The following MAD1L1 variants were observed in gnomAD, a reference collection of about 807,000 sequenced individuals.
MAD1L1 encodes mitotic spindle assembly checkpoint protein MAD1.
A neutral mutation model predicts 96.9 loss-of-function variants in MAD1L1; 95 were observed. The ratio of observed to expected loss-of-function variants is 0.98; its 90% CI spans 0.83 to 1.16. The LOEUF (loss-of-function observed/expected upper bound fraction) is 1.16, where lower values mean the gene tolerates loss of function less well. MAD1L1 is among the 50% of genes most tolerant of loss of function. The pLI is 0.00. For synonymous variants in MAD1L1, 473 were observed against 396.6 expected, an observed-to-expected ratio of 1.19 and a Z score of -2.29; for missense variants, 1,007 against 954.4, an observed-to-expected ratio of 1.06 and a Z score of -0.73.
At chr7:2,135,721 C>T (rs1010554560) in intron 11 of MAD1L1, among the ~76,000 whole-genome samples, 7 of 152,224 alleles carry the variant, frequency 4.6e-5, no homozygotes, top group Non-Finnish European at 1.5e-5. Flanking sequence ...CTCACGGCCA[C>T]ATATGGGAGT....
intron 10 of MAD1L1, among the ~76,000 whole-genome samples, chr7:2,173,724 A>G (rs778301742): frequency 2.0e-5 from 3 of 151,952 alleles, no homozygotes; most frequent in East Asian, 1.9e-4. Context: ...CTGCGTTCCA[A>G]TCCTTCCTCA....
intron 15 of MAD1L1, among the ~76,000 whole-genome samples, chr7:1,958,191 G>C (rs1000244104): frequency 1.3e-5 from 2 of 152,166 alleles, no homozygotes; most frequent in African/African-American, 4.8e-5. Context: ...GATGACAGGG[G>C]ACCACAGAGG....
At chr7:2,152,188 C>T (rs1789610177) in intron 10 of MAD1L1, among the ~76,000 whole-genome samples, 2 of 152,230 alleles carry the variant, frequency 1.3e-5, no homozygotes, top group African/African-American at 4.8e-5. Flanking sequence ...ACGTGATGGG[C>T]TCTCAGCCTG....
At chr7:2,074,938 C>T (rs1785305191) in intron 11 of MAD1L1, among the ~76,000 whole-genome samples, 1 of 152,172 alleles carries the variant, frequency 6.6e-6, no homozygotes, top group African/African-American at 2.4e-5. Context: ...CGTGCTCATT[C>T]GTGGTCAGCC....
chr7:2,136,220 C>G (rs3778994), intron 11 of MAD1L1, among the ~76,000 whole-genome samples: 1 of 152,064 alleles, frequency 6.6e-6, no homozygotes, highest in Admixed American at 6.5e-5. Flanking sequence ...TCATGCCCTG[C>G]GGAAGCGACC....
intron 10 of MAD1L1, among the ~76,000 whole-genome samples, chr7:2,206,343 T>C (rs1483772842): frequency 6.6e-6 from 1 of 152,234 alleles, no homozygotes; most frequent in Non-Finnish European, 1.5e-5. Flanking sequence ...TTTGATGAAG[T>C]CTAATTTATC....
At chr7:2,127,727 G>T (rs556607654) in intron 11 of MAD1L1, among the ~76,000 whole-genome samples, 1 of 152,108 alleles carries the variant, frequency 6.6e-6, no homozygotes, top group Non-Finnish European at 1.5e-5. Flanking sequence ...ACAATCTCAC[G>T]CCCACCAAAG....
intron 14 of MAD1L1, among the ~76,000 whole-genome samples, chr7:1,989,567 C>A (rs1450963191): frequency 6.6e-6 from 1 of 152,256 alleles, no homozygotes; most frequent in Non-Finnish European, 1.5e-5. Flanking sequence ...CAGACCCAAA[C>A]TGGAACAGGT....
chr7:2,137,529 A>G (rs1355823024), intron 11 of MAD1L1, among the ~76,000 whole-genome samples: 1 of 151,848 alleles, frequency 6.6e-6, no homozygotes, highest in Non-Finnish European at 1.5e-5. Flanking sequence ...TCCCTTCTGC[A>G]CCTTGCACAC....
At chr7:2,126,140 G>A (rs1355107294) in intron 11 of MAD1L1, among the ~76,000 whole-genome samples, 1 of 152,226 alleles carries the variant, frequency 6.6e-6, no homozygotes, top group East Asian at 1.9e-4. Flanking sequence ...AGCGAGGGAT[G>A]GCACCTCTGC....
chr7:1,956,836 C>T (rs1779749475), intron 16 of MAD1L1, among the ~76,000 whole-genome samples: 1 of 152,266 alleles, frequency 6.6e-6, no homozygotes, highest in Non-Finnish European at 1.5e-5. Flanking sequence ...TCAACAAGCT[C>T]CAAGGGCCGG....
chr7:2,182,623 G>A (rs1212273705), intron 10 of MAD1L1, among the ~76,000 whole-genome samples: 9 of 152,184 alleles, frequency 5.9e-5, no homozygotes, highest in Non-Finnish European at 7.3e-5. Flanking sequence ...GTATGACCAC[G>A]TGCCATGTGG....
chr7:2,222,863 G>A (rs530347966), intron 4 of MAD1L1, 109 bp from the exon 5 acceptor site: 21 of 935,174 alleles, frequency 2.2e-5, no homozygotes, highest in East Asian at 2.7e-5. Flanking sequence ...AAAAAGAGCC[G>A]AGCAGGACCC....
intron 17 of MAD1L1, among the ~76,000 whole-genome samples, chr7:1,902,011 G>C (rs1787277082): frequency 6.6e-6 from 1 of 152,206 alleles, no homozygotes; most frequent in African/African-American, 2.4e-5. Context: ...GCCTCGGTGA[G>C]GGGCAAGAGA....
chr7:2,218,206 A>C, intron 6 of MAD1L1, among the ~76,000 whole-genome samples, 163 bp from the exon 7 acceptor site: 1 of 148,322 alleles, frequency 6.7e-6, no homozygotes, highest in African/African-American at 2.5e-5. Flanking sequence ...GCCAACACAC[A>C]CTCCACTGCA....
intron 18 of MAD1L1, chr7:1,847,181 C>T (rs1783674304): frequency 1.3e-4 from 58 of 448,886 alleles, no homozygotes; most frequent in South Asian, 9.4e-4. Context: ...GAGTTCCTCC[C>T]TGGTCCAGGG....
At chr7:2,160,447 C>G (rs535491687) in intron 10 of MAD1L1, among the ~76,000 whole-genome samples, 1 of 150,624 alleles carries the variant, frequency 6.6e-6, no homozygotes, top group South Asian at 2.1e-4. Context: ...ATTCTCCTGC[C>G]TCAGACTCCC....
rs539565321 is a variant in MAD1L1 at position 1,988,225 on chromosome 7, C to G, written c.1417-7684G>C. On this transcript the variant is annotated intron_variant, in intron 14 of 18. Coordinates refer to ENST00000265854, the MANE Select transcript of MAD1L1 (RefSeq NM_001013836.2). ...ACGCTTCCTGACATGGCGGAGGGCC[C>G]ATTCATTATTCATCCAATGGTCACA... is the stretch of plus-strand genomic sequence containing the variant. 2.4e-4 allele frequency among the ~76,000 whole-genome samples: 36 copies of G among 152,300 alleles called. No individual in the cohort carries two copies. In the South Asian group the frequency reaches 7.2e-3, roughly 31 times the overall value.
chr7:1,898,236 C>G lies in MAD1L1; in HGVS notation c.1962G>C (p.Leu654=), dbSNP rs1562502051. 1.2e-6 allele frequency: 2 copies of G among 1,613,762 alleles called. No homozygotes were observed. Among genetic ancestry groups the G allele is most frequent in the Non-Finnish European group, 1.7e-6 (2 of 1,179,838 alleles). ...GGCAGTCGCCTGGGTGCTCGGCGTA[C>G]AGCGAGGTCAGCCGGTACTGGTTCT... The part of the protein sequence containing the change: ...TTENQYRLTS[L]YAEHPGDCLI... The change falls in exon 18 of 19, where the codon CTG becomes CTC. Residue 654 remains leucine, a synonymous_variant. Coordinates refer to ENST00000265854, the MANE Select transcript of MAD1L1 (RefSeq NM_001013836.2).
Sources: allele counts gnomAD v4.1 joint callset (sites outside exome capture counted in the v4.1 genomes callset), GRCh38; gene constraint gnomAD v4.1.1; transcripts MANE v1.5; gene names NCBI Gene and HGNC (gene_info 2026-07-23, HGNC 2026-07-21).